HIVEP2: variants seen among roughly 807,000 people sequenced by gnomAD.
The protein encoded by HIVEP2 is HIVEP zinc finger 2.
A neutral mutation model predicts 180.7 loss-of-function variants in HIVEP2; 14 were observed. The ratio of observed to expected loss-of-function variants is 0.08; its 90% CI spans 0.05 to 0.12. HIVEP2 has a LOEUF of 0.12. HIVEP2 is among the 10% of genes least tolerant of loss of function. The pLI, the probability that HIVEP2 is intolerant of heterozygous loss-of-function variation, is 1.00. For synonymous variants in HIVEP2, 1,184 were observed against 1,136.4 expected (o/e 1.04, Z -0.84); for missense variants, 2,579 against 3,008.5 (o/e 0.86, Z 3.34).
intron 1 of HIVEP2, among the ~76,000 whole-genome samples, chr6:142,925,122 A>C (rs1452158455): frequency 2.0e-5 from 3 of 152,214 alleles, no homozygotes; most frequent in African/African-American, 7.2e-5. Context: ...ACTAACATGC[A>C]CTTTAGAAGT....
intron 2 of HIVEP2, among the ~76,000 whole-genome samples, chr6:142,829,259 T>G (rs1028119603): frequency 1.3e-5 from 2 of 152,296 alleles, no homozygotes; most frequent in African/African-American, 4.8e-5. Flanking sequence ...CTTTCATGTC[T>G]CCTCTTCGCT....
At chr6:142,850,749 T>C (rs2114923885) in intron 1 of HIVEP2, among the ~76,000 whole-genome samples, 1 of 152,348 alleles carries the variant, frequency 6.6e-6, no homozygotes, top group African/African-American at 2.4e-5. Flanking sequence ...TAAGTCCACC[T>C]AGACAATTTC....
chr6:142,787,551 A>G (rs1776032371), intron 2 of HIVEP2, among the ~76,000 whole-genome samples: 1 of 135,546 alleles, frequency 7.4e-6, no homozygotes. Flanking sequence ...TTGTAGAGGC[A>G]TCTTTTCCTC....
chr6:142,752,680 T>C lies in HIVEP2; in HGVS notation c.*427A>G, dbSNP rs1315102667. 1.2e-5 allele frequency: 2 copies of C among 163,652 alleles called. No individual in the cohort carries two copies. The highest frequency in any genetic ancestry group is 2.7e-5 in the Non-Finnish European group (2 of 73,828). 10.1% of individuals were successfully genotyped at this position (163,652 alleles called of 1,614,324 possible). A position where few individuals can be genotyped will look rare whatever the true frequency, so the allele number is the denominator to read the frequency against. On this transcript the variant is annotated 3_prime_UTR_variant, in exon 10 of 10. Transcript: ENST00000367603. ...TAAAAGCTGTTCAGTTTTAATCATATAAAAATATGTTTTAGTGCAACCTCA... is the reference window on the plus strand; with the variant it reads ...TAAAAGCTGTTCAGTTTTAATCATACAAAAATATGTTTTAGTGCAACCTCA...
intron 1 of HIVEP2, among the ~76,000 whole-genome samples, chr6:142,897,126 C>CAA (rs529719548): frequency 1.9e-4 from 28 of 150,532 alleles, no homozygotes; most frequent in African/African-American, 6.8e-4. Context: ...ATACAACAGC[C>CAA]AAAAAAAATA....
At chr6:142,862,455 TTA>T (rs1562269241) in intron 1 of HIVEP2, among the ~76,000 whole-genome samples, 2,606 of 114,650 alleles carry the variant, frequency 0.023, 3 homozygotes, top group East Asian at 0.082. Context: ...ATATAATCGA[TTA>T]TATGTATCAT....
At position 142,760,552 on chromosome 6, in the gene HIVEP2, A is replaced by C. The variant is rs770535205; in HGVS notation, c.5736T>G (p.Asp1912Glu). ...ESDGEDGDDN[D>E]DDDEDEDDFD... ...AGTCATCTTCATCTTCATCATCATC[A>C]TCATTATCATCTCCATCCTCACCAT... The change falls in exon 9 of 10, where the codon GAT (aspartate) becomes GAG (glutamate). Residue 1912 changes from aspartate to glutamate, a missense_variant. Physicochemically the swap from Asp to Glu is conservative, Grantham distance 45. This residue lies in a region of HIVEP2 where 660 missense variants were observed against 731.7 expected (regional missense o/e 0.90). Transcript: ENST00000367603. 1.9e-6 allele frequency: 3 copies of C among 1,613,690 alleles called. No individual in the cohort carries two copies. The highest frequency in any genetic ancestry group is 2.7e-5 in the African/African-American group (2 of 74,886).
At position 142,774,232 on chromosome 6, in the gene HIVEP2, A is replaced by G. The variant is rs779498668; in HGVS notation, c.507T>C (p.Ser169=). The change falls in exon 5 of 10, where the codon AGT becomes AGC. Residue 169 remains serine (S), a synonymous_variant. Coordinates refer to ENST00000367603, the MANE Select transcript of HIVEP2 (RefSeq NM_006734.4). The surrounding 1 kb of genome is among the most constrained non-coding windows in gnomAD (Gnocchi z 5.1). ...NPAYSQYSQK[S]IEQAEEAHKK... ...TGTGAGCCTCTTCTGCCTGTTCAAT[A>G]CTTTTCTGGGAGTATTGGCTATAAG... 3.2e-5 allele frequency: 51 copies of G among 1,613,996 alleles called. No homozygotes were observed. Among genetic ancestry groups the G allele is most frequent in the Non-Finnish European group, 4.2e-5 (50 of 1,180,034 alleles).
intron 1 of HIVEP2, among the ~76,000 whole-genome samples, chr6:142,846,760 C>T (rs758044122): frequency 1.3e-5 from 2 of 152,054 alleles, no homozygotes; most frequent in Non-Finnish European, 2.9e-5. Flanking sequence ...CTTATGTCCT[C>T]ACTTATTTCA....
At chr6:142,924,323 AT>A (rs1361523487) in intron 1 of HIVEP2, among the ~76,000 whole-genome samples, 1 of 152,202 alleles carries the variant, frequency 6.6e-6, no homozygotes, top group African/African-American at 2.4e-5. Flanking sequence ...TTATTTCCTC[AT>A]TCAGCACCCG....
At chr6:142,913,154 C>G (rs1777458034) in intron 1 of HIVEP2, among the ~76,000 whole-genome samples, 1 of 152,162 alleles carries the variant, frequency 6.6e-6, no homozygotes, top group African/African-American at 2.4e-5. Context: ...AACTGCTTAG[C>G]TTAGGATGAG....
At chr6:142,779,245 TAAG>T (rs1263175362) in intron 3 of HIVEP2, among the ~76,000 whole-genome samples, 3 of 152,072 alleles carry the variant, frequency 2.0e-5, no homozygotes, top group Non-Finnish European at 4.4e-5. Context: ...TTAAGGAAAA[TAAG>T]AACCTTACAA....
At chr6:142,829,471 T>G (rs112260437) in intron 2 of HIVEP2, among the ~76,000 whole-genome samples, 71 of 152,314 alleles carry the variant, frequency 4.7e-4, no homozygotes, top group African/African-American at 1.7e-3. Context: ...TTGATACGAT[T>G]TCTTTCTCTT....
intron 9 of HIVEP2, among the ~76,000 whole-genome samples, chr6:142,757,890 C>T (rs747596375): frequency 1.9e-4 from 29 of 152,182 alleles, no homozygotes; most frequent in African/African-American, 6.5e-4. Context: ...GCGATAAAGG[C>T]TTACTTTTTC....
chr6:142,780,522 T>C (rs1775831144), intron 3 of HIVEP2, among the ~76,000 whole-genome samples: 1 of 152,186 alleles, frequency 6.6e-6, no homozygotes, highest in Non-Finnish European at 1.5e-5. Context: ...TTCTGAGACA[T>C]ATAAAGAAAG....
intron 1 of HIVEP2, among the ~76,000 whole-genome samples, chr6:142,853,204 A>AT (rs1012995107): frequency 7.9e-5 from 12 of 151,304 alleles, no homozygotes; most frequent in Admixed American, 1.3e-4. Flanking sequence ...CCAGATATCT[A>AT]TTTTTTTTTC....
chr6:142,868,215 G>A (rs1328804809), intron 1 of HIVEP2, among the ~76,000 whole-genome samples: 2 of 152,114 alleles, frequency 1.3e-5, no homozygotes, highest in Non-Finnish European at 2.9e-5. Flanking sequence ...CAGACTTTGG[G>A]TGCACAACAC....
Position 142,843,940 on chromosome 6 carries a change from C to T in HIVEP2, c.-640-6893G>A, listed in dbSNP as rs562872516. On this transcript the variant is annotated intron_variant, in intron 1 of 9. Coordinates refer to ENST00000367603, the MANE Select transcript of HIVEP2 (RefSeq NM_006734.4). Reference sequence around the variant, plus strand: ...GCATTAGAATCATAACTTTTCACTACAATAGATTTAATAATCTTCTGTTAC... The same window carrying T: ...GCATTAGAATCATAACTTTTCACTATAATAGATTTAATAATCTTCTGTTAC... 1.1e-4 allele frequency among the ~76,000 whole-genome samples: 17 copies of T among 152,266 alleles called. No individual in the cohort carries two copies. In the South Asian group the frequency reaches 3.3e-3, roughly 30 times the overall value.
chr6:142,755,831 T>C (rs1439550543), intron 9 of HIVEP2, among the ~76,000 whole-genome samples: 7 of 152,228 alleles, frequency 4.6e-5, no homozygotes, highest in Non-Finnish European at 1.0e-4. Flanking sequence ...ATTTCTACCA[T>C]GTGGCCACTT....
Sources: allele counts gnomAD v4.1 joint callset (sites outside exome capture counted in the v4.1 genomes callset), GRCh38; gene constraint gnomAD v4.1.1; regional missense constraint gnomAD v4.1.1; non-coding constraint Gnocchi (gnomAD v3.1); transcripts MANE v1.5; gene names NCBI Gene and HGNC (gene_info 2026-07-23, HGNC 2026-07-21).